The following IKZF3 variants were observed in gnomAD, a reference collection of about 807,000 sequenced individuals.
The protein encoded by IKZF3 is zinc finger protein Aiolos.
IKZF3 carries 10 observed loss-of-function variants against 49.0 expected under a neutral mutation model. That is an observed-to-expected ratio of 0.20 (90% CI 0.13 to 0.35). The LOEUF (loss-of-function observed/expected upper bound fraction) is 0.35, where lower values mean the gene tolerates loss of function less well. Ranked by LOEUF, IKZF3 falls within the 10% of genes least tolerant of loss-of-function variation. The probability of loss-of-function intolerance (pLI) is 1.00; values close to 1 mark genes in which losing one functional copy is unlikely to be tolerated. For missense variants in IKZF3, 498 were observed against 664.8 expected, an observed-to-expected ratio of 0.75 and a Z score of 2.76; for synonymous variants, 209 against 228.2, an observed-to-expected ratio of 0.92 and a Z score of 0.76.
chr17:39,855,997 T>TGTACAATATAACATGTATATTGTAC (rs1568073284), intron 1 of IKZF3, among the ~76,000 whole-genome samples: 78 of 150,454 alleles, frequency 5.2e-4, no homozygotes, highest in Middle Eastern at 3.4e-3. Context: ...GTATATTGTA[T>TGTACAATATAACATGTATATTGTAC]ATGTACAATA....
At chr17:39,849,105 C>T (rs1313101062) in intron 1 of IKZF3, among the ~76,000 whole-genome samples, 1 of 152,120 alleles carries the variant, frequency 6.6e-6, no homozygotes, top group Non-Finnish European at 1.5e-5. Flanking sequence ...AAGTTACAGA[C>T]TGGGATAAAG....
chr17:39,837,146 G>A (rs2062312806), intron 1 of IKZF3, among the ~76,000 whole-genome samples: 1 of 151,744 alleles, frequency 6.6e-6, no homozygotes, highest in African/African-American at 2.4e-5. Context: ...TGTTGCCCAG[G>A]TTGGTCTCAA....
intron 1 of IKZF3, among the ~76,000 whole-genome samples, chr17:39,855,384 C>A (rs947048166): frequency 2.6e-5 from 4 of 152,190 alleles, no homozygotes; most frequent in African/African-American, 9.7e-5. Context: ...ATAAGCACTA[C>A]ATGAATTCCT....
chr17:39,779,813 C>T (rs1453438160), intron 6 of IKZF3, among the ~76,000 whole-genome samples: 3 of 152,106 alleles, frequency 2.0e-5, no homozygotes, highest in Non-Finnish European at 2.9e-5. Context: ...TTCTCATAAA[C>T]ACTTCGGGAG....
intron 3 of IKZF3, among the ~76,000 whole-genome samples, chr17:39,802,215 C>A (rs2061335966): frequency 1.2e-5 from 1 of 84,836 alleles, no homozygotes; most frequent in Non-Finnish European, 2.2e-5. Context: ...GAGTGAGACT[C>A]CATCTCAAAA....
intron 3 of IKZF3, 57 bp downstream of exon 3, chr17:39,829,330 A>G: frequency 1.6e-6 from 2 of 1,226,044 alleles, no homozygotes; most frequent in Non-Finnish European, 2.4e-6. Context: ...TCTTCTCTAC[A>G]CTAAGCCTAA....
chr17:39,821,150 C>T (rs1046512538), intron 3 of IKZF3, among the ~76,000 whole-genome samples: 7 of 152,072 alleles, frequency 4.6e-5, no homozygotes, highest in Admixed American at 4.6e-4. Flanking sequence ...TGTGGGTCAC[C>T]TGAGGGCCTG....
At chr17:39,824,534 C>T (rs771508096) in intron 3 of IKZF3, among the ~76,000 whole-genome samples, 6 of 152,042 alleles carry the variant, frequency 3.9e-5, no homozygotes, top group South Asian at 4.1e-4. Context: ...GGTTTAGCTG[C>T]GTCCCTACCC....
intron 5 of IKZF3, among the ~76,000 whole-genome samples, chr17:39,790,945 AT>A (rs2061002716): frequency 6.6e-6 from 1 of 152,108 alleles, no homozygotes; most frequent in East Asian, 1.9e-4. Flanking sequence ...GATTTAATAA[AT>A]TTATCCCAAA....
rs1042717867 is a variant in IKZF3 at position 39,802,153 on chromosome 17, C to T, written c.164-9220G>A. Among the ~76,000 whole-genome samples, 11 of 126,024 alleles carry T rather than the reference C, an allele frequency of 8.7e-5. No individual in the cohort carries two copies. The Admixed American group carries it at 9.1e-4, about 10-fold the overall frequency. The allele number at this position is 126,024 out of a possible 152,430, so 82.7% of individuals were successfully genotyped here. ...AGGAGAATGCTGTGAACCCGGGAGG[C>T]GGAGCTTGCAGTGAGCCAAGATCGC... On this transcript the variant is annotated intron_variant, in intron 3 of 7. Coordinates refer to ENST00000346872, the MANE Select transcript of IKZF3 (RefSeq NM_012481.5).
At position 39,761,152 on chromosome 17, in the gene IKZF3, A is replaced by G. The variant is rs536044306; in HGVS notation, c.*4638T>C. 1.3e-5 allele frequency: 2 copies of G among 152,338 alleles called. No homozygotes were observed. Among genetic ancestry groups the G allele is most frequent in the East Asian group, 3.9e-4 (2 of 5,192 alleles). 9.4% of individuals were successfully genotyped at this position (152,338 alleles called of 1,614,324 possible). On this transcript the variant is annotated 3_prime_UTR_variant, in exon 8 of 8. Coordinates refer to ENST00000346872, the MANE Select transcript of IKZF3 (RefSeq NM_012481.5). The stretch of plus-strand genomic sequence containing the variant: ...GGCCTAACAAAATGTTAAGCACTGC[A>G]TTTAAAAGGTGAGAAATTTTGTCAC...
At chr17:39,828,159 T>C (rs927365872) in intron 3 of IKZF3, among the ~76,000 whole-genome samples, 8 of 152,206 alleles carry the variant, frequency 5.3e-5, no homozygotes, top group African/African-American at 1.7e-4. Flanking sequence ...AGCAAGAAAG[T>C]GTAACCGTAG....
chr17:39,778,865 T>C lies in IKZF3; in HGVS notation c.710-1098A>G, dbSNP rs8081328. 3.7e-3 allele frequency among the ~76,000 whole-genome samples: 567 copies of C among 152,334 alleles called. 6 individuals carry two copies. Among genetic ancestry groups the C allele is most frequent in the African/African-American group, 0.013 (551 of 41,584 alleles). On this transcript the variant is annotated intron_variant, in intron 6 of 7. Coordinates refer to ENST00000346872, the MANE Select transcript of IKZF3 (RefSeq NM_012481.5). ...CTATGAATGTGGGCCCATCCACAAA[T>C]AGACCTGTGAGTGGTGTAGGCCTGT...
At chr17:39,820,248 A>G (rs9904834) in intron 3 of IKZF3, among the ~76,000 whole-genome samples, 8,669 of 152,322 alleles carry the variant, frequency 0.057, 371 homozygotes, top group African/African-American at 0.12. Context: ...CTGAATTGTC[A>G]GGAAAAGCTT....
chr17:39,824,793 T>C (rs2061912895), intron 3 of IKZF3, among the ~76,000 whole-genome samples: 1 of 152,056 alleles, frequency 6.6e-6, no homozygotes, highest in Non-Finnish European at 1.5e-5. Context: ...CCTCCCAGGT[T>C]CACGCAATTC....
In IKZF3 at chr17:39,759,981, C is replaced by T. The variant is rs2060142691; in HGVS notation, c.*5809G>A. ...AGTCCCGATGCTGACTCTTTGAGTC[C>T]TCAGATAGCCAGGCTCTTTCACATC... is the stretch of plus-strand genomic sequence containing the variant. On this transcript the variant is annotated 3_prime_UTR_variant, in exon 8 of 8. Coordinates refer to ENST00000346872, the MANE Select transcript of IKZF3 (RefSeq NM_012481.5). The T allele has an allele frequency of 6.6e-6, 1 of 152,086 alleles. No individual in the cohort carries two copies. The highest frequency in any genetic ancestry group is 1.5e-5 in the Non-Finnish European group (1 of 68,034). The allele number at this position is 152,086 out of a possible 1,614,324, so 9.4% of individuals were successfully genotyped here. A position where few individuals can be genotyped will look rare whatever the true frequency, so the allele number is the denominator to read the frequency against.
At chr17:39,794,078 G>A (rs1177296749) in intron 3 of IKZF3, among the ~76,000 whole-genome samples, 2 of 152,146 alleles carry the variant, frequency 1.3e-5, no homozygotes, top group Non-Finnish European at 2.9e-5. Flanking sequence ...TGGAGTGTAG[G>A]GCTGGAAGGG....
rs978452528 is a variant in IKZF3 at position 39,760,609 on chromosome 17, C to G, written c.*5181G>C. The G allele has an allele frequency of 6.6e-6, 1 of 152,384 alleles. No homozygotes were observed. Among genetic ancestry groups the G allele is most frequent in the African/African-American group, 2.4e-5 (1 of 41,450 alleles). The allele number at this position is 152,384 out of a possible 1,614,324, so 9.4% of individuals were successfully genotyped here. ...AAAGTGCTGGGATTACAGGCGTGAGCCACCGCACCTGACCCTCCTTAAAAC... is the reference window on the plus strand; with the variant it reads ...AAAGTGCTGGGATTACAGGCGTGAGGCACCGCACCTGACCCTCCTTAAAAC... On this transcript the variant is annotated 3_prime_UTR_variant, in exon 8 of 8. Transcript: ENST00000346872.
At chr17:39,820,204 G>C (rs1053824651) in intron 3 of IKZF3, among the ~76,000 whole-genome samples, 1 of 152,190 alleles carries the variant, frequency 6.6e-6, no homozygotes, top group African/African-American at 2.4e-5. Flanking sequence ...AGTGTCATGC[G>C]ATGAATTAAA....
Sources: gnomAD v4.1 joint callset for allele counts (sites outside exome capture counted in the v4.1 genomes callset) on GRCh38, gnomAD v4.1.1 for gene constraint, MANE v1.5 for transcripts, NCBI Gene and HGNC (gene_info 2026-07-23, HGNC 2026-07-21) for gene names.